Variants in LTA4H observed in about 807,000 individuals in gnomAD.
LTA4H encodes the protein leukotriene A-4 hydrolase.
Under a neutral mutation model 89.8 loss-of-function variants are expected in LTA4H, and 59 were observed. The ratio of observed to expected loss-of-function variants is 0.66; its 90% confidence interval spans 0.53 to 0.82. The LOEUF (loss-of-function observed/expected upper bound fraction) is 0.82, where lower values mean the gene tolerates loss of function less well. LTA4H is among the 40% of genes least tolerant of loss of function. The pLI, the probability that LTA4H is intolerant of heterozygous loss-of-function variation, is 0.00. For missense variants in LTA4H, 617 were observed against 727.0 expected (o/e 0.85, Z 1.74); for synonymous variants, 227 against 253.1 (o/e 0.90, Z 0.98).
rs182457552 is a variant in LTA4H at position 96,032,392 on chromosome 12, T to C, written c.159+2969A>G. 9.2e-5 allele frequency among the ~76,000 whole-genome samples: 14 copies of C among 152,328 alleles called. No homozygotes were observed. The East Asian group carries it at 2.7e-3, about 29-fold the overall frequency. On this transcript the variant is annotated intron_variant, in intron 1 of 18. Transcript: ENST00000228740. ...GAAATACAGCTGGCACTATTATCAATGTAGCCCATGTTAAGCTTAGGCACT... is the reference window on the plus strand; with the variant it reads ...GAAATACAGCTGGCACTATTATCAACGTAGCCCATGTTAAGCTTAGGCACT...
chr12:96,039,934 C>T (rs906686453), upstream of LTA4H, among the ~76,000 whole-genome samples: 42 of 152,190 alleles, frequency 2.8e-4, no homozygotes, highest in African/African-American at 1.0e-3. Flanking sequence ...ATAATTTATA[C>T]TCTAGTACCC....
intron 1 of LTA4H, among the ~76,000 whole-genome samples, chr12:96,030,764 T>C (rs2247309): frequency 0.3 from 45,913 of 151,998 alleles, 7,229 homozygotes; most frequent in East Asian, 0.41. Context: ...GAACCAGCCA[T>C]TTCCCAGCTG....
At chr12:96,029,312 A>T in intron 1 of LTA4H, 127 bp from the exon 2 acceptor site, 1 of 496,580 alleles carries the variant, frequency 2.0e-6, no homozygotes, top group Non-Finnish European at 3.4e-6. Flanking sequence ...AGAAGAATTG[A>T]AGAGTCAAAA....
chr12:96,019,201 C>G lies in LTA4H; in HGVS notation c.678G>C (p.Glu226Asp). 1 of 1,613,306 alleles carries G rather than the reference C, an allele frequency of 6.2e-7. No homozygotes were observed. Among genetic ancestry groups the G allele is most frequent in the Non-Finnish European group, 8.5e-7 (1 of 1,179,822 alleles). ...ACTCATAAGCAGACTTTTCCACCTG[C>G]TCTTTCTCAGACCACACCAAAGTTC... ...GPRTLVWSEK[E>D]QVEKSAYEFS... Residue 226 changes from glutamate (E) to aspartate (D), a missense_variant, in exon 7 of 19, where the codon GAG (glutamate) becomes GAC (aspartate). Transcript: ENST00000228740.
Position 96,018,832 on chromosome 12 carries a change from G to A in LTA4H, c.783C>T (p.Val261=), listed in dbSNP as rs1275148360. ...PYVWGQYDLL[V]LPPSFPYGGM... ...CACCATAAGGGAAGGATGGTGGCAGGACCAATAGGTCATACTGTCCCCATA... is the reference window on the plus strand; with the variant it reads ...CACCATAAGGGAAGGATGGTGGCAGAACCAATAGGTCATACTGTCCCCATA... The change falls in exon 8 of 19, where the codon GTC becomes GTT. Residue 261 remains valine (V), a synonymous_variant. Coordinates refer to ENST00000228740, the MANE Select transcript of LTA4H (RefSeq NM_000895.3). 1 of 1,605,758 alleles carries A rather than the reference G, an allele frequency of 6.2e-7. No individual in the cohort carries two copies. Among genetic ancestry groups the A allele is most frequent in the Non-Finnish European group, 8.5e-7 (1 of 1,177,204 alleles).
rs1489351512 is a variant in LTA4H, at chr12:96,022,249, C to A, written c.483G>T (p.Val161=). 3.1e-6 allele frequency: 5 copies of A among 1,596,954 alleles called. No individual in the cohort carries two copies. The South Asian group carries it at 5.5e-5, about 18-fold the overall frequency. ...GTGCCACCAGTTCTTTAGGGACAGA[C>A]ACCTAATCAAGGAGAAAAATCATTT... The part of the protein sequence containing the change: ...PSVKLTYTAE[V]SVPKELVALM... The change falls in exon 5 of 19, where the codon GTG becomes GTT. Residue 161 remains valine, a splice_region_variant and synonymous_variant. Transcript: ENST00000228740. The surrounding 1 kb of genome is among the most constrained non-coding windows in gnomAD (Gnocchi z 4.0).
chr12:96,015,524 T>A, intron 11 of LTA4H, 59 bp downstream of exon 11: 5 of 1,233,016 alleles, frequency 4.1e-6, no homozygotes, highest in Non-Finnish European at 5.9e-6. Flanking sequence ...TTATAAAAAC[T>A]CAGTTTTTAA....
intron 3 of LTA4H, chr12:96,025,229 C>T (rs912598870): frequency 2.0e-5 from 3 of 152,102 alleles, no homozygotes; most frequent in African/African-American, 7.2e-5. Flanking sequence ...GAATATTAGC[C>T]GCCTGAAGGC....
intron 15 of LTA4H, among the ~76,000 whole-genome samples, chr12:96,007,956 A>G (rs1312965026): frequency 1.3e-5 from 2 of 152,214 alleles, no homozygotes; most frequent in East Asian, 3.8e-4. Context: ...GTGAATTAAC[A>G]CAGGAACAGA....
chr12:96,013,303 C>T (rs1323391827), intron 13 of LTA4H, 45 bp from the exon 14 acceptor site: 1 of 1,362,632 alleles, frequency 7.3e-7, no homozygotes. Context: ...ATGCCCTTTC[C>T]TGTCAAAAAA....
chr12:96,013,184 T>C lies in LTA4H; in HGVS notation c.1379+4A>G, dbSNP rs1420380342. ...AAGGAAAGCATTAGCAGGCAAGTACTTACTTGGGCTTTATGGGAGGCAGTC... is the reference window on the plus strand; with the variant it reads ...AAGGAAAGCATTAGCAGGCAAGTACCTACTTGGGCTTTATGGGAGGCAGTC... On this transcript the variant is annotated splice_donor_region_variant and intron_variant, in intron 14 of 18. Coordinates refer to ENST00000228740, the MANE Select transcript of LTA4H (RefSeq NM_000895.3). 1.2e-6 allele frequency: 2 copies of C among 1,611,538 alleles called. No homozygotes were observed. Among genetic ancestry groups the C allele is most frequent in the Admixed American group, 1.7e-5 (1 of 60,012 alleles).
chr12:96,004,688 T>A (rs1333573047), intron 16 of LTA4H, among the ~76,000 whole-genome samples: 1 of 152,158 alleles, frequency 6.6e-6, no homozygotes, highest in South Asian at 2.1e-4. Flanking sequence ...CTTACAGGAC[T>A]CCACACTCAC....
At chr12:96,018,426 AT>A (rs1383095894) in intron 8 of LTA4H, among the ~76,000 whole-genome samples, 1 of 152,004 alleles carries the variant, frequency 6.6e-6, no homozygotes, top group Non-Finnish European at 1.5e-5. Flanking sequence ...GTGTGCACCT[AT>A]AGTCCCAGCT....
intron 16 of LTA4H, among the ~76,000 whole-genome samples, chr12:96,005,002 C>G (rs1433451229): frequency 1.3e-5 from 2 of 152,152 alleles, no homozygotes; most frequent in African/African-American, 2.4e-5. Flanking sequence ...AAATCCTATT[C>G]CTAATTTTTG....
Position 96,035,374 on chromosome 12 carries a change from T to C in LTA4H, c.146A>G (p.Asn49Ser), listed in dbSNP as rs751544922. The C allele has an allele frequency of 5.6e-6, 9 of 1,609,918 alleles. 1 individual carries two copies. The highest frequency in any genetic ancestry group is 5.5e-5 in the South Asian group (5 of 90,508). Residue 49 changes from asparagine to serine, a missense_variant, in exon 1 of 19, where the codon AAT becomes AGT. Physicochemically the swap from Asn to Ser is conservative, Grantham distance 46. Coordinates refer to ENST00000228740, the MANE Select transcript of LTA4H (RefSeq NM_000895.3). ...AALTVQSQED[N>S]LRSLVLDTKD... ...GCCCCACTGTACCAGGCTGCGCAGA[T>C]TGTCCTCCTGAGACTGGACCGTGAG...
In LTA4H at chr12:96,014,995, T is replaced by G. The variant is rs1457775929; in HGVS notation, c.1064A>C (p.Lys355Thr). The change falls in exon 12 of 19, where the codon AAG becomes ACG. Residue 355 changes from lysine to threonine, a missense_variant. Lys to Thr is a moderately conservative substitution (Grantham distance 78). This residue lies in a region of LTA4H where 290 missense variants were observed against 339.1 expected (regional missense o/e 0.86). Coordinates refer to ENST00000228740, the MANE Select transcript of LTA4H (RefSeq NM_000895.3). ...GAAAGGATGTGTCTCCCCAAATGTC[T>G]TTACCTGCAAGACATGAAATAACAT... is the stretch of plus-strand genomic sequence containing the variant. ...GGWGELQNSV[K>T]TFGETHPFTK... The G allele has an allele frequency of 1.9e-6, 3 of 1,607,936 alleles. No homozygotes were observed. The Admixed American group carries it at 5.1e-5, about 27-fold the overall frequency.
Position 96,003,006 on chromosome 12 carries a change from T to C in LTA4H, c.1672A>G (p.Met558Val), listed in dbSNP as rs1950132239. 1.9e-6 allele frequency: 3 copies of C among 1,606,330 alleles called. No homozygotes were observed. Among genetic ancestry groups the C allele is most frequent in the Non-Finnish European group, 2.6e-6 (3 of 1,175,980 alleles). ...WEDAIPLALK[M>V]ATEQGRMKFT... ...TTCATTCTTCCTTGTTCAGTTGCCA[T>C]CTTTAGCGCCAAAGGAATTGCGTCC... Residue 558 changes from methionine (M) to valine (V), a missense_variant, in exon 18 of 19, where the codon ATG becomes GTG. By Grantham distance (21) the Met-to-Val change is conservative. Around this residue, in one of 3 missense-constraint regions of LTA4H, gnomAD observed 290 missense variants for 339.1 expected, o/e 0.86. Transcript: ENST00000228740.
At chr12:96,037,292 T>A (rs1165234057), upstream of LTA4H, among the ~76,000 whole-genome samples, 5 of 152,122 alleles carry the variant, frequency 3.3e-5, no homozygotes, top group Admixed American at 6.5e-5. Flanking sequence ...GATGAAATTA[T>A]GACAGTGGGT....
intron 10 of LTA4H, 145 bp downstream of exon 10, chr12:96,016,899 C>CA (rs201954724): frequency 0.047 from 23,567 of 503,508 alleles, 11 homozygotes; most frequent in Middle Eastern, 0.062. Context: ...GACTCCATGT[C>CA]AAAAAAAAAA....
Sources: allele counts gnomAD v4.1 joint callset (sites outside exome capture counted in the v4.1 genomes callset), GRCh38; gene constraint gnomAD v4.1.1; regional missense constraint gnomAD v4.1.1; non-coding constraint Gnocchi (gnomAD v3.1); transcripts MANE v1.5; gene names NCBI Gene and HGNC (gene_info 2026-07-23, HGNC 2026-07-21).